The following ZNF490 variants were observed in gnomAD, a reference collection of about 807,000 sequenced individuals.
The protein encoded by ZNF490 is zinc finger protein 490.
Under a neutral mutation model 17.7 loss-of-function variants are expected in ZNF490, and 11 were observed. The ratio of observed to expected loss-of-function variants is 0.62; its 90% CI spans 0.39 to 1.03. The LOEUF is 1.03. Among genes scored for constraint, ZNF490 ranks in the 50% least tolerant of loss-of-function variants. The pLI, the probability that ZNF490 is intolerant of heterozygous loss-of-function variation, is 0.00. For synonymous variants in ZNF490, 222 were observed against 216.1 expected, an observed-to-expected ratio of 1.03 and a Z score of -0.24; for missense variants, 542 against 643.4, an observed-to-expected ratio of 0.84 and a Z score of 1.71.
Position 12,581,677 on chromosome 19 carries a change from C to T in ZNF490, c.398G>A (p.Cys133Tyr). ...AGGAATCTGGCTAGTGCTTTTTCCA[C>T]ATGGACAATCTTCTTTATTTTCACA... is the stretch of plus-strand genomic sequence containing the variant. Reference protein sequence around the residue: ...ALCENKEDCPCGKSTSQIPDL... With the variant: ...ALCENKEDCPYGKSTSQIPDL... The change falls in exon 5 of 5, where the codon TGT (cysteine) becomes TAT (tyrosine). Residue 133 changes from cysteine (C) to tyrosine (Y), a missense_variant. Coordinates refer to ENST00000311437, the MANE Select transcript of ZNF490 (RefSeq NM_020714.3). 2 of 1,613,966 alleles carry T rather than the reference C, an allele frequency of 1.2e-6. No homozygotes were observed. The highest frequency in any genetic ancestry group is 1.7e-6 in the Non-Finnish European group (2 of 1,179,916).
rs1334658052 is a variant in ZNF490, at chr19:12,583,559, A to G, written c.163-3T>C. 6.3e-7 allele frequency: 1 copy of G among 1,591,420 alleles called. No homozygotes were observed. Among genetic ancestry groups the G allele is most frequent in the Non-Finnish European group, 8.6e-7 (1 of 1,165,858 alleles). ...ACATCCTCAAGGGAGATGGAGTCCT[A>G]AAACATCCCCCATGTGTGTTTAGGA... On this transcript the variant is annotated splice_polypyrimidine_tract_variant and splice_region_variant and intron_variant, in intron 2 of 4. Transcript: ENST00000311437.
chr19:12,580,988 T>C lies in ZNF490; in HGVS notation c.1087A>G (p.Thr363Ala), dbSNP rs2022724503. Residue 363 changes from threonine to alanine, a missense_variant, in exon 5 of 5, where the codon ACA (threonine) becomes GCA (alanine). Coordinates refer to ENST00000311437, the MANE Select transcript of ZNF490 (RefSeq NM_020714.3). ...VKTHTGVQPY[T>A]CKKCGEAFKS... ...AAGGCTTCCCCACATTTCTTACATG[T>C]ATAAGGTTGAACTCCGGTGTGGGTT... is the stretch of plus-strand genomic sequence containing the variant. 2 of 1,614,164 alleles carry C rather than the reference T, an allele frequency of 1.2e-6. No individual in the cohort carries two copies. The highest frequency in any genetic ancestry group is 1.7e-6 in the Non-Finnish European group (2 of 1,180,026).
chr19:12,609,081 G>A, intron 2 of ZNF490, 77 bp downstream of exon 2: 15 of 1,421,474 alleles, frequency 1.1e-5, no homozygotes, highest in Non-Finnish European at 1.5e-5. Flanking sequence ...CCCACAAAGA[G>A]GTCATAGAAG....
chr19:12,577,932 G>A lies in ZNF490; in HGVS notation c.*2553C>T. The A allele has an allele frequency of 8.1e-6, 8 of 985,472 alleles. No homozygotes were observed. The highest frequency in any genetic ancestry group is 8.4e-6 in the Non-Finnish European group (7 of 829,974). 61.0% of individuals were successfully genotyped at this position (985,472 alleles called of 1,614,324 possible). ...CAGACCCGACCCCTATCGTGCCTAT[G>A]CAATTCAGAAAACGGAGAATTCGGA... On this transcript the variant is annotated 3_prime_UTR_variant, in exon 5 of 5. Coordinates refer to ENST00000311437, the MANE Select transcript of ZNF490 (RefSeq NM_020714.3).
At chr19:12,596,673 A>T (rs2022937632) in intron 2 of ZNF490, among the ~76,000 whole-genome samples, 1 of 152,134 alleles carries the variant, frequency 6.6e-6, no homozygotes, top group Non-Finnish European at 1.5e-5. Context: ...AAAAACAAAC[A>T]AATTCCCAAA....
intron 2 of ZNF490, among the ~76,000 whole-genome samples, chr19:12,592,836 T>C (rs534762548): frequency 2.6e-4 from 40 of 152,284 alleles, no homozygotes; most frequent in African/African-American, 9.4e-4. Context: ...TTCTCATCAA[T>C]TTTTCTGTAA....
intron 2 of ZNF490, among the ~76,000 whole-genome samples, chr19:12,594,964 C>A (rs1472864508): frequency 6.6e-6 from 1 of 152,092 alleles, no homozygotes; most frequent in East Asian, 1.9e-4. Flanking sequence ...TAATTCAGAA[C>A]TAGGCTGGGC....
chr19:12,577,810 G>C lies in ZNF490; in HGVS notation c.*2675C>G. 1 of 985,512 alleles carries C rather than the reference G, an allele frequency of 1.0e-6. No homozygotes were observed. The highest frequency in any genetic ancestry group is 1.1e-4 in the East Asian group (1 of 8,812). The allele number at this position is 985,512 out of a possible 1,614,324, so 61.0% of individuals were successfully genotyped here. On this transcript the variant is annotated 3_prime_UTR_variant, in exon 5 of 5. Coordinates refer to ENST00000311437, the MANE Select transcript of ZNF490 (RefSeq NM_020714.3). Reference sequence around the variant, plus strand: ...ACCCACCCAGGGAGACTGTTGTTACGAGGGTGGATGGTGACCTGGTTTCCC... The same window carrying C: ...ACCCACCCAGGGAGACTGTTGTTACCAGGGTGGATGGTGACCTGGTTTCCC...
At chr19:12,602,079 T>TATACACACACACACAC (rs778812676) in intron 2 of ZNF490, among the ~76,000 whole-genome samples, 2 of 68,596 alleles carry the variant, frequency 2.9e-5, no homozygotes, top group Middle Eastern at 6.5e-3. Context: ...GTTCACTATA[T>TATACACACACACACAC]ACACACACAC....
At chr19:12,583,789 C>CTATATATATATA (rs1568278605) in intron 2 of ZNF490, among the ~76,000 whole-genome samples, 1 of 87,892 alleles carries the variant, frequency 1.1e-5, no homozygotes, top group Non-Finnish European at 2.0e-5. Flanking sequence ...CTCTCTCTCT[C>CTATATATATATA]TCTATATATA....
chr19:12,589,530 G>A (rs1033019157), intron 2 of ZNF490, among the ~76,000 whole-genome samples: 1 of 150,572 alleles, frequency 6.6e-6, no homozygotes, highest in Admixed American at 6.6e-5. Context: ...ATCTATTTAT[G>A]ATAGCAAACT....
intron 2 of ZNF490, among the ~76,000 whole-genome samples, chr19:12,591,099 T>C (rs2022864611): frequency 6.6e-6 from 1 of 151,940 alleles, no homozygotes; most frequent in Admixed American, 6.6e-5. Flanking sequence ...AAAAAAGTCC[T>C]GCTCTGGGGC....
chr19:12,581,977 A>G (rs1053203322), intron 4 of ZNF490, among the ~76,000 whole-genome samples: 1 of 152,190 alleles, frequency 6.6e-6, no homozygotes, highest in African/African-American at 2.4e-5. Flanking sequence ...GCTGGAGTGC[A>G]GTGGCGTGAT....
chr19:12,581,768 G>T, intron 4 of ZNF490, 44 bp from the exon 5 acceptor site: 3 of 1,453,680 alleles, frequency 2.1e-6, no homozygotes, highest in Non-Finnish European at 2.8e-6. Context: ...TTGTATTAAT[G>T]ATCTTATATT....
intron 2 of ZNF490, among the ~76,000 whole-genome samples, chr19:12,592,290 T>G (rs1002830670): frequency 6.6e-6 from 1 of 151,892 alleles, no homozygotes; most frequent in Non-Finnish European, 1.5e-5. Context: ...CTAGGTATGG[T>G]GGCTCTCACC....
chr19:12,593,939 G>A (rs574856565), intron 2 of ZNF490, among the ~76,000 whole-genome samples: 1 of 152,314 alleles, frequency 6.6e-6, no homozygotes, highest in Non-Finnish European at 1.5e-5. Flanking sequence ...ATTTTGAAAG[G>A]AGGTCTGTGT....
At chr19:12,590,594 A>T (rs2022858884) in intron 2 of ZNF490, among the ~76,000 whole-genome samples, 1 of 152,214 alleles carries the variant, frequency 6.6e-6, no homozygotes, top group East Asian at 1.9e-4. Flanking sequence ...AAGATATACC[A>T]ACTGGGAAGG....
chr19:12,594,151 G>C (rs1265066516), intron 2 of ZNF490, among the ~76,000 whole-genome samples: 2 of 152,140 alleles, frequency 1.3e-5, no homozygotes, highest in Admixed American at 1.3e-4. Flanking sequence ...AATTACAAGA[G>C]GCATGAGAGG....
At chr19:12,595,706 T>C (rs183102878) in intron 2 of ZNF490, among the ~76,000 whole-genome samples, 2 of 152,204 alleles carry the variant, frequency 1.3e-5, no homozygotes, top group Admixed American at 1.3e-4. Context: ...TCCCAGCACT[T>C]TGGGAGGCTG....
Sources: gnomAD v4.1 joint callset for allele counts (sites outside exome capture counted in the v4.1 genomes callset) on GRCh38, gnomAD v4.1.1 for gene constraint, MANE v1.5 for transcripts, NCBI Gene and HGNC (gene_info 2026-07-23, HGNC 2026-07-21) for gene names.